CACNB4: variants seen among roughly 807,000 people sequenced by gnomAD.
CACNB4 encodes the protein voltage-dependent L-type calcium channel subunit beta-4.
In CACNB4, 32 loss-of-function variants were observed where a neutral mutation model predicts 71.2. That is an observed-to-expected ratio of 0.45 (90% confidence interval 0.34 to 0.60). The LOEUF (loss-of-function observed/expected upper bound fraction) is 0.60, where lower values mean the gene tolerates loss of function less well. Ranked by LOEUF, CACNB4 falls within the 20% of genes least tolerant of loss-of-function variation. The pLI is 0.01. For synonymous variants in CACNB4, 231 were observed against 236.9 expected, an observed-to-expected ratio of 0.97 and a Z score of 0.23; for missense variants, 464 against 647.9, an observed-to-expected ratio of 0.72 and a Z score of 3.08.
chr2:151,876,987 T>C (rs1405268232), intron 4 of CACNB4, among the ~76,000 whole-genome samples: 2 of 147,540 alleles, frequency 1.4e-5, no homozygotes, highest in Admixed American at 6.8e-5. Flanking sequence ...TATATACCTA[T>C]ACTATATATT....
intron 2 of CACNB4, among the ~76,000 whole-genome samples, chr2:152,049,248 T>A (rs1483383428): frequency 3.9e-5 from 6 of 151,906 alleles, no homozygotes; most frequent in Non-Finnish European, 8.8e-5. Flanking sequence ...CACTGCAACC[T>A]CCACCTCCCA....
At position 151,841,925 on chromosome 2, in the gene CACNB4, G is replaced by A; in HGVS notation, c.1280C>T (p.Pro427Leu). Residue 427 changes from proline (P) to leucine (L), a missense_variant, in exon 13 of 14, where the codon CCC (proline) becomes CTC (leucine). Physicochemically the swap from Pro to Leu is moderately conservative, Grantham distance 98. Transcript: ENST00000539935. ...NLGSTALSPY[P>L]TAISGLQSQR... Reference sequence around the variant, plus strand: ...TACCTGTAACCCAGAAATTGCTGTGGGATATGGTGAGAGTGCCGTGGAGCC... The same window carrying A: ...TACCTGTAACCCAGAAATTGCTGTGAGATATGGTGAGAGTGCCGTGGAGCC... The A allele has an allele frequency of 6.2e-7, 1 of 1,613,822 alleles. No individual in the cohort carries two copies. The highest frequency in any genetic ancestry group is 1.1e-5 in the South Asian group (1 of 91,046).
intron 2 of CACNB4, among the ~76,000 whole-genome samples, chr2:151,902,032 CT>C (rs70974804): frequency 0.034 from 4,417 of 129,816 alleles, 72 homozygotes; most frequent in African/African-American, 0.13. Flanking sequence ...ACAACATCAC[CT>C]TTTTTTTTTT....
chr2:151,858,884 C>A (rs1302651309), intron 10 of CACNB4: 1 of 152,196 alleles, frequency 6.6e-6, no homozygotes, highest in Non-Finnish European at 1.5e-5. Context: ...TCTCTTAACC[C>A]CTACTCTTCT....
At chr2:151,956,878 G>A (rs77113371) in intron 2 of CACNB4, among the ~76,000 whole-genome samples, 2 of 152,194 alleles carry the variant, frequency 1.3e-5, no homozygotes, top group African/African-American at 4.8e-5. Flanking sequence ...CGGGCACAGT[G>A]GCTCATGCCT....
At chr2:151,971,671 A>G (rs2099872593) in intron 2 of CACNB4, 1 of 699,866 alleles carries the variant, frequency 1.4e-6, no homozygotes, top group Non-Finnish European at 2.6e-6. Context: ...AGCTCTGTTC[A>G]CACCATCTTG....
intron 2 of CACNB4, among the ~76,000 whole-genome samples, chr2:152,089,182 C>T (rs1245028798): frequency 6.6e-6 from 1 of 152,162 alleles, no homozygotes; most frequent in African/African-American, 2.4e-5. Context: ...CTGGATTCAC[C>T]TCATTGTTTT....
At chr2:151,870,883 C>A in intron 6 of CACNB4, 22 bp from the exon 7 acceptor site, 1 of 1,580,218 alleles carries the variant, frequency 6.3e-7, no homozygotes, top group Non-Finnish European at 8.6e-7. Flanking sequence ...TAACGAGAGC[C>A]ATATCAAAAT....
At chr2:151,883,641 C>A in intron 2 of CACNB4, 1 of 448,062 alleles carries the variant, frequency 2.2e-6, no homozygotes, top group Admixed American at 3.4e-5. Context: ...AGCACCAATT[C>A]TTCTTGTTTT....
intron 2 of CACNB4, among the ~76,000 whole-genome samples, chr2:152,078,328 C>G (rs990733335): frequency 6.6e-6 from 1 of 152,168 alleles, no homozygotes; most frequent in Non-Finnish European, 1.5e-5. Context: ...CCCCTCACCT[C>G]ATCAAAGCAT....
In CACNB4 at chr2:151,883,258, C is replaced by T; in HGVS notation, c.260G>A (p.Arg87Lys). Residue 87 changes from arginine to lysine, a missense_variant, in exon 3 of 14, where the codon AGA (arginine) becomes AAA (lysine). Arg to Lys is a conservative substitution (Grantham distance 26, BLOSUM62 2). Around this residue, in one of 3 missense-constraint regions of CACNB4, gnomAD observed 299 missense variants for 471.7 expected, o/e 0.63. Transcript: ENST00000539935. ...AGAAGGAAAGAGACTCACCTTTGCT[C>T]TCTCAAGCTGGATAGCTGCTTGCTG... ...REQQAAIQLE[R>K]AKSKPVAFAV... 6.2e-7 allele frequency: 1 copy of T among 1,613,976 alleles called. No homozygotes were observed. Among genetic ancestry groups the T allele is most frequent in the Non-Finnish European group, 8.5e-7 (1 of 1,179,850 alleles).
chr2:152,076,317 G>GTTTTTTTTT (rs5835407), intron 2 of CACNB4, among the ~76,000 whole-genome samples: 4 of 122,492 alleles, frequency 3.3e-5, no homozygotes, highest in African/African-American at 6.3e-5. Flanking sequence ...AATTTTTTGG[G>GTTTTTTTTT]TTTTTTTTTT....
intron 2 of CACNB4, among the ~76,000 whole-genome samples, chr2:152,053,216 T>G (rs1685540389): frequency 6.6e-6 from 1 of 152,192 alleles, no homozygotes; most frequent in African/African-American, 2.4e-5. Context: ...TAGAGGCCTG[T>G]AACTTTCAAC....
intron 2 of CACNB4, among the ~76,000 whole-genome samples, chr2:152,083,941 TTCC>T (rs1361930501): frequency 1.3e-5 from 2 of 152,148 alleles, no homozygotes; most frequent in Admixed American, 6.5e-5. Context: ...ACCTTCTCCT[TTCC>T]TCCTCCTCCT....
intron 2 of CACNB4, among the ~76,000 whole-genome samples, chr2:151,888,781 G>A (rs750974270): frequency 1.2e-4 from 19 of 152,136 alleles, no homozygotes; most frequent in Non-Finnish European, 2.5e-4. Flanking sequence ...TCTGCAAAAT[G>A]AGAATGAAGT....
At chr2:151,906,111 T>C (rs2099854748) in intron 2 of CACNB4, among the ~76,000 whole-genome samples, 1 of 152,206 alleles carries the variant, frequency 6.6e-6, no homozygotes, top group Admixed American at 6.5e-5. Context: ...AACCAGAATG[T>C]AAAACTTGAC....
At position 152,071,099 on chromosome 2, in the gene CACNB4, T is replaced by C. The variant is rs567578227; in HGVS notation, c.147+27231A>G. On this transcript the variant is annotated intron_variant, in intron 2 of 13. Coordinates refer to ENST00000539935, the MANE Select transcript of CACNB4 (RefSeq NM_000726.5). The stretch of plus-strand genomic sequence containing the variant: ...TTCATACATGCTTAATCACAGTTGC[T>C]ATATATCACAAATGATGCTGGATGA... Among the ~76,000 whole-genome samples the C allele has an allele frequency of 7.2e-5, 11 of 152,342 alleles. No individual in the cohort carries two copies. In the East Asian group the frequency reaches 2.1e-3, roughly 29 times the overall value.
intron 2 of CACNB4, among the ~76,000 whole-genome samples, chr2:152,076,940 G>A (rs901203252): frequency 2.0e-5 from 3 of 152,212 alleles, no homozygotes; most frequent in Admixed American, 1.3e-4. Context: ...AATGGAATGT[G>A]ACAGAGAGTA....
At chr2:151,893,040 A>T (rs1350044685) in intron 2 of CACNB4, among the ~76,000 whole-genome samples, 1 of 152,250 alleles carries the variant, frequency 6.6e-6, no homozygotes, top group African/African-American at 2.4e-5. Flanking sequence ...AATAGATATG[A>T]AAATATATAA....
Sources: gnomAD v4.1 joint callset for allele counts (sites outside exome capture counted in the v4.1 genomes callset) on GRCh38, gnomAD v4.1.1 for gene constraint, gnomAD v4.1.1 regional missense constraint, MANE v1.5 for transcripts, NCBI Gene and HGNC (gene_info 2026-07-23, HGNC 2026-07-21) for gene names.